RNF126: variants seen among roughly 807,000 people sequenced by gnomAD.
RNF126 encodes E3 ubiquitin-protein ligase RNF126.
Under a neutral mutation model 41.9 loss-of-function variants are expected in RNF126, and 20 were observed. The observed-to-expected ratio is 0.48, with a 90% CI of 0.34 to 0.69. The LOEUF (loss-of-function observed/expected upper bound fraction) is 0.69. Among genes scored for constraint, RNF126 ranks in the 30% least tolerant of loss-of-function variants. RNF126 has a pLI of 0.01. For synonymous variants in RNF126, 239 were observed against 202.9 expected, an observed-to-expected ratio of 1.18 and a Z score of -1.51; for missense variants, 433 against 460.6, an observed-to-expected ratio of 0.94 and a Z score of 0.55.
chr19:652,815 G>A lies in RNF126; in HGVS notation c.134+11C>T, dbSNP rs902373177. On this transcript the variant is annotated intron_variant, in intron 2 of 8. Coordinates refer to ENST00000292363, the MANE Select transcript of RNF126 (RefSeq NM_194460.3). ...GGCTCTTCCAGCCTCTTCAACAGGG[G>A]GCTGCATTACCTGGTCTCTTCCGGA... is the stretch of plus-strand genomic sequence containing the variant. The A allele has an allele frequency of 2.5e-6, 4 of 1,612,222 alleles. No individual in the cohort carries two copies. The Admixed American group carries it at 5.0e-5, about 20-fold the overall frequency.
At chr19:655,333 A>G (rs989437266) in intron 1 of RNF126, among the ~76,000 whole-genome samples, 1 of 151,950 alleles carries the variant, frequency 6.6e-6, no homozygotes, top group Non-Finnish European at 1.5e-5. Flanking sequence ...GCCAAAAAAA[A>G]AAAGAAAAAG....
At chr19:662,844 C>T (rs1600646860) in intron 1 of RNF126, among the ~76,000 whole-genome samples, 2 of 152,138 alleles carry the variant, frequency 1.3e-5, no homozygotes, top group Admixed American at 6.5e-5. Flanking sequence ...CTCAGTCTCC[C>T]GCATGTACAG....
Position 652,232 on chromosome 19 carries a change from C to T in RNF126, c.198+1G>A. The T allele has an allele frequency of 6.5e-7, 1 of 1,529,924 alleles. No homozygotes were observed. Among genetic ancestry groups the T allele is most frequent in the Non-Finnish European group, 8.7e-7 (1 of 1,149,496 alleles). The allele number at this position is 1,529,924 out of a possible 1,614,324, so 94.8% of individuals were successfully genotyped here. A position where few individuals can be genotyped will look rare whatever the true frequency, so the allele number is the denominator to read the frequency against. ...GGAAGCACGAGGGGCGGGCGACTCACCTCCAACGGTGGCCGGCTCTGGTCT... is the reference window on the plus strand; with the variant it reads ...GGAAGCACGAGGGGCGGGCGACTCATCTCCAACGGTGGCCGGCTCTGGTCT... On this transcript the variant is annotated splice_donor_variant, in intron 3 of 8. Transcript: ENST00000292363. LOFTEE classifies it high-confidence loss of function.
At chr19:652,665 G>C (rs778928943) in intron 2 of RNF126, 161 bp downstream of exon 2, 1 of 672,128 alleles carries the variant, frequency 1.5e-6, no homozygotes, top group Non-Finnish European at 2.6e-6. Flanking sequence ...AGAAGAGAAC[G>C]GCACGCTGCT....
intron 1 of RNF126, among the ~76,000 whole-genome samples, chr19:656,907 G>A (rs1305774462): frequency 2.0e-5 from 3 of 152,232 alleles, no homozygotes; most frequent in East Asian, 3.9e-4. Flanking sequence ...AGGGGTTGCC[G>A]CCGTCCGCCC....
intron 5 of RNF126, 118 bp from the exon 6 acceptor site, chr19:649,866 C>T: frequency 1.4e-6 from 1 of 693,960 alleles, no homozygotes; most frequent in Non-Finnish European, 2.6e-6. Flanking sequence ...TCCTACTCAC[C>T]AGGGACCCTG....
In RNF126 at chr19:660,054, C is replaced by T. The variant is rs142724625; in HGVS notation, c.75+2993G>A. Reference sequence around the variant, plus strand: ...CGATGGGACCACAGGCGTGAGCCACCGCGCTCGGCCTCATCACAGCCTTTC... The same window carrying T: ...CGATGGGACCACAGGCGTGAGCCACTGCGCTCGGCCTCATCACAGCCTTTC... On this transcript the variant is annotated intron_variant, in intron 1 of 8. Coordinates refer to ENST00000292363, the MANE Select transcript of RNF126 (RefSeq NM_194460.3). Among the ~76,000 whole-genome samples, 22 of 152,346 alleles carry T rather than the reference C, an allele frequency of 1.4e-4. No homozygotes were observed. In the East Asian group the frequency reaches 2.5e-3, roughly 17 times the overall value.
Position 652,299 on chromosome 19 carries a change from G to A in RNF126, c.135-3C>T. ...GGGCAGAACCATTTTCTGTGCTCCT[G>A]GGGAGAGAGTGCAGGTCAGCAGTGC... On this transcript the variant is annotated splice_polypyrimidine_tract_variant and splice_region_variant and intron_variant, in intron 2 of 8. Transcript: ENST00000292363. The A allele has an allele frequency of 1.9e-6, 3 of 1,558,798 alleles. No homozygotes were observed. The highest frequency in any genetic ancestry group is 1.7e-6 in the Non-Finnish European group (2 of 1,157,932).
intron 5 of RNF126, 117 bp from the exon 6 acceptor site, chr19:649,865 C>T: frequency 1.5e-6 from 1 of 679,130 alleles, no homozygotes; most frequent in South Asian, 1.7e-5. Context: ...CTCCTACTCA[C>T]CAGGGACCCT....
At chr19:653,145 C>G (rs2030404330) in intron 1 of RNF126, among the ~76,000 whole-genome samples, 1 of 149,766 alleles carries the variant, frequency 6.7e-6, no homozygotes, top group African/African-American at 2.5e-5. Context: ...TCACCAGCGT[C>G]ATCAGCGCCT....
rs762445388 is a variant in RNF126 at position 648,947 on chromosome 19, G to A, written c.605C>T (p.Pro202Leu). The change falls in exon 7 of 9, where the codon CCC becomes CTC. Residue 202 changes from proline to leucine, a missense_variant. Around this residue, in one of 5 missense-constraint regions of RNF126, gnomAD observed 97 missense variants for 121.7 expected, o/e 0.80. Transcript: ENST00000292363. ...GATTTTCTCTTTATCTGCCGGTGGGGGGCCTGTGTTTTCAAACTGATTGAG... is the reference window on the plus strand; with the variant it reads ...GATTTTCTCTTTATCTGCCGGTGGGAGGCCTGTGTTTTCAAACTGATTGAG... ...QLLNQFENTG[P>L]PPADKEKIQA... is the part of the protein sequence containing the mutation. 3 of 1,430,176 alleles carry A rather than the reference G, an allele frequency of 2.1e-6. No homozygotes were observed. The highest frequency in any genetic ancestry group is 2.9e-5 in the African/African-American group (2 of 68,388). The allele number at this position is 1,430,176 out of a possible 1,614,324, so 88.6% of individuals were successfully genotyped here. A position where few individuals can be genotyped will look rare whatever the true frequency, so the allele number is the denominator to read the frequency against.
rs528724441 is a variant in RNF126, at chr19:653,236, G to A, written c.76-352C>T. ...CCTCCTCACACAGGTGGCACCACTCGGAGGGGTGCCCCAATACCCCACAGT... is the reference window on the plus strand; with the variant it reads ...CCTCCTCACACAGGTGGCACCACTCAGAGGGGTGCCCCAATACCCCACAGT... On this transcript the variant is annotated intron_variant, in intron 1 of 8. Coordinates refer to ENST00000292363, the MANE Select transcript of RNF126 (RefSeq NM_194460.3). Among the ~76,000 whole-genome samples the A allele has an allele frequency of 2.8e-4, 43 of 152,082 alleles. 1 individual carries two copies. The highest frequency in any genetic ancestry group is 6.3e-3 in the Middle Eastern group (2 of 316).
rs1453446912 is a variant in RNF126 at position 650,266 on chromosome 19, G to C, written c.474C>G (p.Ile158Met). 1.3e-6 allele frequency: 2 copies of C among 1,582,922 alleles called. No homozygotes were observed. Among genetic ancestry groups the C allele is most frequent in the South Asian group, 1.2e-5 (1 of 86,180 alleles). Residue 158 changes from isoleucine (I) to methionine (M), a missense_variant, in exon 5 of 9, where the codon ATC becomes ATG. Around this residue, in one of 5 missense-constraint regions of RNF126, gnomAD observed 22 missense variants for 45.7 expected, o/e 0.48. Coordinates refer to ENST00000292363, the MANE Select transcript of RNF126 (RefSeq NM_194460.3). Reference sequence around the variant, plus strand: ...CCAGGCTGGGGATGGTGGCGGGCGTGATGATGCCGTTGACGAGCTGCTGGA... The same window carrying C: ...CCAGGCTGGGGATGGTGGCGGGCGTCATGATGCCGTTGACGAGCTGCTGGA... ...GIIQQLVNGIITPATIPSLGP... is the reference protein window; with the variant it reads ...GIIQQLVNGIMTPATIPSLGP...
At chr19:652,534 T>TA (rs1264651069) in intron 2 of RNF126, 2 of 601,608 alleles carry the variant, frequency 3.3e-6, no homozygotes, top group African/African-American at 3.7e-5. Flanking sequence ...AGAATGTGGG[T>TA]AGGGCCCCCG....
At position 653,290 on chromosome 19, in the gene RNF126, G is replaced by A. The variant is rs529101578; in HGVS notation, c.76-406C>T. On this transcript the variant is annotated intron_variant, in intron 1 of 8. Transcript: ENST00000292363. ...ATTTCCAGGACGCTCTGGCAGCCCCGCACACAGCCCGTTCCCCTGGCTCGG... is the reference window on the plus strand; with the variant it reads ...ATTTCCAGGACGCTCTGGCAGCCCCACACACAGCCCGTTCCCCTGGCTCGG... Among the ~76,000 whole-genome samples the A allele has an allele frequency of 2.3e-4, 35 of 152,284 alleles. 2 individuals carry two copies. Among genetic ancestry groups the A allele is most frequent in the Middle Eastern group, 3.4e-3 (1 of 294 alleles).
At chr19:650,537 C>A (rs887709753) in intron 4 of RNF126, 14 of 395,726 alleles carry the variant, frequency 3.5e-5, no homozygotes, top group African/African-American at 2.9e-4. Flanking sequence ...CCCGCCTCAG[C>A]CTCCCAAGTA....
In RNF126 at chr19:650,268, T is replaced by C. The variant is rs138581411; in HGVS notation, c.472A>G (p.Ile158Val). 4 of 1,582,498 alleles carry C rather than the reference T, an allele frequency of 2.5e-6. No homozygotes were observed. Among genetic ancestry groups the C allele is most frequent in the Non-Finnish European group, 3.4e-6 (4 of 1,165,882 alleles). Residue 158 changes from isoleucine (I) to valine (V), a missense_variant, in exon 5 of 9, where the codon ATC becomes GTC. Ile to Val is a conservative substitution (Grantham distance 29). Around this residue, in one of 5 missense-constraint regions of RNF126, gnomAD observed 22 missense variants for 45.7 expected, o/e 0.48. Coordinates refer to ENST00000292363, the MANE Select transcript of RNF126 (RefSeq NM_194460.3). ...GIIQQLVNGI[I>V]TPATIPSLGP... is the part of the protein sequence containing the mutation. ...AGGCTGGGGATGGTGGCGGGCGTGA[T>C]GATGCCGTTGACGAGCTGCTGGATG...
At chr19:660,452 G>A (rs991808389) in intron 1 of RNF126, among the ~76,000 whole-genome samples, 6 of 152,212 alleles carry the variant, frequency 3.9e-5, no homozygotes, top group Admixed American at 2.0e-4. Context: ...CTTCCCGACA[G>A]CCAGCCCAGG....
chr19:650,270 A>C lies in RNF126; in HGVS notation c.470T>G (p.Ile157Ser). Residue 157 changes from isoleucine (I) to serine (S), a missense_variant, in exon 5 of 9, where the codon ATC (isoleucine) becomes AGC (serine). By Grantham distance (142) the Ile-to-Ser change is moderately radical. Coordinates refer to ENST00000292363, the MANE Select transcript of RNF126 (RefSeq NM_194460.3). The stretch of plus-strand genomic sequence containing the variant: ...GCTGGGGATGGTGGCGGGCGTGATG[A>C]TGCCGTTGACGAGCTGCTGGATGAT... ...EGIIQQLVNGIITPATIPSLG... is the reference protein window; with the variant it reads ...EGIIQQLVNGSITPATIPSLG... 6.3e-7 allele frequency: 1 copy of C among 1,582,838 alleles called. No homozygotes were observed. The highest frequency in any genetic ancestry group is 8.6e-7 in the Non-Finnish European group (1 of 1,166,000).
Sources: allele counts gnomAD v4.1 joint callset (sites outside exome capture counted in the v4.1 genomes callset), GRCh38; gene constraint gnomAD v4.1.1; regional missense constraint gnomAD v4.1.1; transcripts MANE v1.5; gene names NCBI Gene and HGNC (gene_info 2026-07-23, HGNC 2026-07-21).